GALNT13: variants seen among roughly 807,000 people sequenced by gnomAD.
GALNT13 encodes the protein UDP-GalNAc:polypeptide N-acetylgalactosaminyltransferase 13.
A neutral mutation model predicts 64.2 loss-of-function variants in GALNT13; 28 were observed. The ratio of observed to expected loss-of-function variants is 0.44; its 90% CI spans 0.32 to 0.60. The LOEUF (loss-of-function observed/expected upper bound fraction) is 0.60, where lower values mean the gene tolerates loss of function less well. GALNT13 is among the 20% of genes least tolerant of loss of function. The pLI, the probability that GALNT13 is intolerant of heterozygous loss-of-function variation, is 0.05. For synonymous variants in GALNT13, 214 were observed against 224.6 expected, an observed-to-expected ratio of 0.95 and a Z score of 0.42; for missense variants, 577 against 669.8, an observed-to-expected ratio of 0.86 and a Z score of 1.53.
chr2:154,077,438 G>A (rs1209042025), intron 3 of GALNT13, among the ~76,000 whole-genome samples: 1 of 151,438 alleles, frequency 6.6e-6, no homozygotes, highest in Non-Finnish European at 1.5e-5. Flanking sequence ...CAAGAGACAT[G>A]CAAGATAATA....
the GALNT13 span, among the ~76,000 whole-genome samples, chr2:153,360,675 C>T: frequency 2.1e-4 from 32 of 152,080 alleles, 1 homozygote; most frequent in Non-Finnish European, 8.8e-5. Context: ...CCTGTAGTAA[C>T]TCCAACAACT....
At chr2:154,436,628 G>A (rs1700986832) in intron 11 of GALNT13, 1 of 152,126 alleles carries the variant, frequency 6.6e-6, no homozygotes, top group African/African-American at 2.4e-5. Context: ...AATTAAATAA[G>A]TTTGTAATTG....
At chr2:153,718,353 T>A in the GALNT13 span, among the ~76,000 whole-genome samples, 1 of 151,962 alleles carries the variant, frequency 6.6e-6, no homozygotes, top group East Asian at 1.9e-4. Context: ...TGCCCTTTAG[T>A]GTCTCTCTTA....
At chr2:154,205,585 C>T (rs1045457880) in intron 4 of GALNT13, among the ~76,000 whole-genome samples, 1 of 152,106 alleles carries the variant, frequency 6.6e-6, no homozygotes, top group Non-Finnish European at 1.5e-5. Flanking sequence ...GGACAACTTA[C>T]AAAAGAAAGA....
At chr2:153,939,855 C>T (rs1265769122) in intron 2 of GALNT13, among the ~76,000 whole-genome samples, 2 of 152,166 alleles carry the variant, frequency 1.3e-5, no homozygotes, top group Admixed American at 6.6e-5. Flanking sequence ...CTACTATTCG[C>T]ATTTTGTGAG....
the GALNT13 span, among the ~76,000 whole-genome samples, chr2:153,669,081 G>T: frequency 6.6e-6 from 1 of 152,110 alleles, no homozygotes; most frequent in African/African-American, 2.4e-5. Flanking sequence ...TGCCCAACTG[G>T]CTGTCTCCTG....
the GALNT13 span, among the ~76,000 whole-genome samples, chr2:153,071,517 G>T: frequency 6.6e-6 from 1 of 152,152 alleles, no homozygotes; most frequent in Non-Finnish European, 1.5e-5. Flanking sequence ...AACCAATGTG[G>T]TTATATGTAT....
At chr2:153,469,425 G>C in the GALNT13 span, among the ~76,000 whole-genome samples, 20 of 152,182 alleles carry the variant, frequency 1.3e-4, no homozygotes, top group African/African-American at 4.8e-4. Context: ...GTCCACTAAT[G>C]CAAGTCTCAG....
intron 3 of GALNT13, among the ~76,000 whole-genome samples, chr2:154,138,155 C>A (rs7592932): frequency 0.081 from 12,357 of 152,098 alleles, 1,442 homozygotes; most frequent in East Asian, 0.62. Flanking sequence ...CTACCTAAAT[C>A]TCCTTTGTAT....
chr2:153,113,113 A>T, the GALNT13 span, among the ~76,000 whole-genome samples: 1 of 152,124 alleles, frequency 6.6e-6, no homozygotes, highest in Admixed American at 6.5e-5. Context: ...TTTCAAAAAC[A>T]TGTTTACATA....
At chr2:153,526,735 A>G in the GALNT13 span, among the ~76,000 whole-genome samples, 5 of 152,242 alleles carry the variant, frequency 3.3e-5, no homozygotes, top group Non-Finnish European at 7.3e-5. Flanking sequence ...CAACAGAGAT[A>G]TGTGACCTTT....
the GALNT13 span, among the ~76,000 whole-genome samples, chr2:153,223,806 G>A: frequency 1.3e-5 from 2 of 151,500 alleles, no homozygotes; most frequent in African/African-American, 4.8e-5. Flanking sequence ...TAAAAAAAAA[G>A]AAAAACTACA....
At chr2:154,138,570 TG>T (rs1683078886) in intron 3 of GALNT13, among the ~76,000 whole-genome samples, 1 of 134,422 alleles carries the variant, frequency 7.4e-6, no homozygotes, top group Non-Finnish European at 1.7e-5. Flanking sequence ...GTCCAAGATA[TG>T]TTAAAAAAAA....
intron 3 of GALNT13, among the ~76,000 whole-genome samples, chr2:153,969,807 C>A (rs180720978): frequency 8.5e-5 from 13 of 152,162 alleles, no homozygotes; most frequent in Admixed American, 2.6e-4. Context: ...TCGTTTTCTT[C>A]TTTAATCTGT....
rs184416802 is a variant in GALNT13 at position 154,103,294 on chromosome 2, T to C, written c.143-37043T>C. On this transcript the variant is annotated intron_variant, in intron 3 of 12. Transcript: ENST00000392825. ...GCCTTTTCTAATCTATTGTGAAAGC[T>C]TTGAACTGTATTTTGAAATTCCTAT... Among the ~76,000 whole-genome samples the C allele has an allele frequency of 2.0e-4, 30 of 152,292 alleles. No homozygotes were observed. In the East Asian group the frequency reaches 5.6e-3, roughly 28 times the overall value.
At chr2:153,726,507 T>G in the GALNT13 span, among the ~76,000 whole-genome samples, 1 of 152,218 alleles carries the variant, frequency 6.6e-6, no homozygotes, top group Non-Finnish European at 1.5e-5. Context: ...ATTCTAGGTG[T>G]TGATAGGCAA....
chr2:153,449,049 T>C, the GALNT13 span, among the ~76,000 whole-genome samples: 2 of 152,160 alleles, frequency 1.3e-5, no homozygotes, highest in Non-Finnish European at 2.9e-5. Flanking sequence ...TGTGTCTTTC[T>C]GTCTCTCTGT....
chr2:153,132,008 C>T, the GALNT13 span, among the ~76,000 whole-genome samples: 9 of 152,120 alleles, frequency 5.9e-5, no homozygotes, highest in African/African-American at 2.2e-4. Context: ...GAGCCTTAGT[C>T]AATGATACAG....
At chr2:153,272,388 G>A in the GALNT13 span, among the ~76,000 whole-genome samples, 1 of 145,090 alleles carries the variant, frequency 6.9e-6, no homozygotes. Context: ...GTATCCAGAA[G>A]ACAAAGAACT....
Sources: gnomAD v4.1 joint callset for allele counts (sites outside exome capture counted in the v4.1 genomes callset) on GRCh38, gnomAD v4.1.1 for gene constraint, MANE v1.5 for transcripts, NCBI Gene and HGNC (gene_info 2026-07-23, HGNC 2026-07-21) for gene names.